RMP64: variants seen among roughly 807,000 people sequenced by gnomAD.
RMP64 encodes the protein nucleolus and neural progenitor protein.
the RMP64 span, among the ~76,000 whole-genome samples, chr3:113,010,040 GAACA>G: frequency 6.7e-6 from 1 of 150,220 alleles, no homozygotes; most frequent in African/African-American, 2.4e-5. Flanking sequence ...GTTAGGTCCA[GAACA>G]AACAGAATTT....
the RMP64 span, chr3:113,019,546 G>C: frequency 6.2e-7 from 1 of 1,611,950 alleles, no homozygotes; most frequent in Non-Finnish European, 8.5e-7. Context: ...ACTCACCAAG[G>C]GCCGCGCCGG....
the RMP64 span, chr3:113,014,837 C>T: frequency 6.6e-6 from 1 of 152,002 alleles, no homozygotes; most frequent in African/African-American, 2.4e-5. Flanking sequence ...CTCTTTCTCC[C>T]TTCTCTCTCT....
chr3:113,018,707 G>A, the RMP64 span, among the ~76,000 whole-genome samples: 220 of 152,252 alleles, frequency 1.4e-3, 6 homozygotes, highest in East Asian at 0.04. Context: ...ATTCATAACA[G>A]CTTCCATTTG....
the RMP64 span, chr3:113,017,652 A>T: frequency 2.0e-6 from 3 of 1,496,618 alleles, no homozygotes; most frequent in Non-Finnish European, 1.8e-6. Flanking sequence ...TACAGTAAGT[A>T]TATTATATTA....
At chr3:113,005,824 G>A in the RMP64 span, 1 of 1,613,924 alleles carries the variant, frequency 6.2e-7, no homozygotes, top group Non-Finnish European at 8.5e-7. Context: ...TCCCTTGAGA[G>A]AACTGCTGAA....
the RMP64 span, chr3:113,003,409 T>TAA: frequency 6.6e-6 from 1 of 152,200 alleles, no homozygotes; most frequent in African/African-American, 2.4e-5. Context: ...ATTTACTAGG[T>TAA]AAGTTACAGT....
the RMP64 span, among the ~76,000 whole-genome samples, chr3:113,007,514 A>C: frequency 2.0e-5 from 3 of 152,224 alleles, no homozygotes; most frequent in Non-Finnish European, 2.9e-5. Flanking sequence ...AAGGTGGAAT[A>C]GGCTCTTAAT....
the RMP64 span, chr3:113,010,621 A>C: frequency 3.1e-6 from 5 of 1,600,920 alleles, no homozygotes; most frequent in Non-Finnish European, 4.3e-6. Flanking sequence ...TCATAAGCTA[A>C]ATTTAATGAA....
At chr3:113,005,842 TAA>T in the RMP64 span, 40 of 1,613,806 alleles carry the variant, frequency 2.5e-5, no homozygotes, top group Non-Finnish European at 3.4e-5. Context: ...GAATTTCCCT[TAA>T]AAGAGTCGAC....
At chr3:113,005,896 A>C in the RMP64 span, 1 of 1,613,822 alleles carries the variant, frequency 6.2e-7, no homozygotes, top group South Asian at 1.1e-5. Context: ...GTAAAAATTT[A>C]TTCTGTGATC....
the RMP64 span, chr3:113,008,360 A>C: frequency 6.2e-7 from 1 of 1,613,396 alleles, no homozygotes; most frequent in Admixed American, 1.7e-5. Flanking sequence ...AGGAGTTCCT[A>C]TCACTTTCTG....
the RMP64 span, chr3:113,019,403 G>T: frequency 1.5e-6 from 1 of 660,346 alleles, no homozygotes; most frequent in Non-Finnish European, 2.6e-6. Context: ...GGGACCGCTC[G>T]ACCCCTACGT....
At chr3:113,010,940 G>C in the RMP64 span, 1 of 1,049,518 alleles carries the variant, frequency 9.5e-7, no homozygotes, top group Non-Finnish European at 1.4e-6. Flanking sequence ...TAAGATGTGA[G>C]ATGTTGAATT....
chr3:113,007,693 C>G, the RMP64 span, among the ~76,000 whole-genome samples: 1 of 152,216 alleles, frequency 6.6e-6, no homozygotes, highest in Non-Finnish European at 1.5e-5. Flanking sequence ...CTGCTACAAA[C>G]AGTAGCAAGT....
chr3:113,019,659 G>C, the RMP64 span: 5 of 1,609,392 alleles, frequency 3.1e-6, no homozygotes, highest in East Asian at 1.1e-4. Context: ...CGAGGCGGGG[G>C]GACTTACGAA....
the RMP64 span, chr3:113,010,707 G>C: frequency 6.2e-7 from 1 of 1,611,954 alleles, no homozygotes; most frequent in Non-Finnish European, 8.5e-7. Flanking sequence ...TGACTCTTCT[G>C]TGGAGGTGGA....
the RMP64 span, chr3:113,019,490 T>G: frequency 1.4e-6 from 2 of 1,465,492 alleles, no homozygotes; most frequent in South Asian, 1.2e-5. Context: ...CGGCTGGGCC[T>G]GGCGGCCTCC....
the RMP64 span, among the ~76,000 whole-genome samples, chr3:113,016,969 T>A: frequency 6.6e-6 from 1 of 152,182 alleles, no homozygotes; most frequent in Non-Finnish European, 1.5e-5. Context: ...TGAAACCAGT[T>A]TACACCACAA....
At chr3:113,010,368 G>T in the RMP64 span, 1 of 393,980 alleles carries the variant, frequency 2.5e-6, no homozygotes, top group Non-Finnish European at 4.6e-6. Context: ...TTAAGCTGCA[G>T]TACAATCCAT....
Sources: gnomAD v4.1 joint callset for allele counts (sites outside exome capture counted in the v4.1 genomes callset) on GRCh38, gnomAD v4.1.1 for gene constraint, MANE v1.5 for transcripts, NCBI Gene and HGNC (gene_info 2026-07-23, HGNC 2026-07-21) for gene names.